Variants in SCN11A observed in about 807,000 individuals in gnomAD.
SCN11A encodes the protein sodium voltage-gated channel alpha subunit 11, also known as sodium channel protein type 11 subunit alpha.
Under a neutral mutation model 162.2 loss-of-function variants are expected in SCN11A, and 122 were observed. The observed-to-expected ratio is 0.75, with a 90% CI of 0.65 to 0.87. The LOEUF (loss-of-function observed/expected upper bound fraction) is 0.87, where lower values mean the gene tolerates loss of function less well. Ranked by LOEUF, SCN11A falls within the 40% of genes least tolerant of loss-of-function variation. The pLI, the probability that SCN11A is intolerant of heterozygous loss-of-function variation, is 0.00. For synonymous variants in SCN11A, 758 were observed against 751.5 expected (o/e 1.01, Z -0.14); for missense variants, 2,015 against 2,181.6 (o/e 0.92, Z 1.52).
chr3:38,931,105 T>G (rs928377654), intron 7 of SCN11A, among the ~76,000 whole-genome samples: 5 of 151,972 alleles, frequency 3.3e-5, no homozygotes, highest in Non-Finnish European at 7.4e-5. Flanking sequence ...AAGCAACGAG[T>G]AGCAACCCCT....
At chr3:39,011,917 C>A (rs927434260) in intron 2 of SCN11A, among the ~76,000 whole-genome samples, 2 of 152,138 alleles carry the variant, frequency 1.3e-5, no homozygotes, top group Non-Finnish European at 2.9e-5. Flanking sequence ...TTACAAAAAA[C>A]AGGTCAGACT....
chr3:38,931,772 T>C (rs73068579), intron 7 of SCN11A, among the ~76,000 whole-genome samples: 15 of 152,108 alleles, frequency 9.9e-5, no homozygotes, highest in Non-Finnish European at 1.9e-4. Flanking sequence ...GCTTTCACCA[T>C]CATACCTCTA....
intron 17 of SCN11A, among the ~76,000 whole-genome samples, chr3:38,899,243 T>G (rs988625198): frequency 1.3e-5 from 2 of 152,200 alleles, no homozygotes; most frequent in Admixed American, 6.5e-5. Flanking sequence ...GTACTGTGCA[T>G]GTAGCCCAGT....
chr3:38,984,656 A>G (rs1026349008), intron 2 of SCN11A, among the ~76,000 whole-genome samples: 2 of 152,018 alleles, frequency 1.3e-5, no homozygotes, highest in Non-Finnish European at 2.9e-5. Flanking sequence ...GATTACAGGT[A>G]CCTGCCACCA....
Position 38,974,062 on chromosome 3 carries a change from G to C in SCN11A, c.-279-13639C>G, listed in dbSNP as rs537794908. 4.7e-4 allele frequency among the ~76,000 whole-genome samples: 72 copies of C among 152,286 alleles called. 1 individual carries two copies. The highest frequency in any genetic ancestry group is 6.8e-3 in the Middle Eastern group (2 of 294). ...CAAGGAAATAAGTCATCATGAGTGA[G>C]AGCCAAAGTAATAGACAACACAAAG... is the stretch of plus-strand genomic sequence containing the variant. On this transcript the variant is annotated intron_variant, in intron 2 of 29. Coordinates refer to ENST00000302328, the MANE Select transcript of SCN11A (RefSeq NM_001349253.2).
At chr3:38,974,156 C>T (rs1054903593) in intron 2 of SCN11A, among the ~76,000 whole-genome samples, 3 of 151,648 alleles carry the variant, frequency 2.0e-5, no homozygotes, top group Admixed American at 6.6e-5. Flanking sequence ...CATGAGGGTA[C>T]AAGAGATCAT....
chr3:38,985,366 G>A (rs905596022), intron 2 of SCN11A, among the ~76,000 whole-genome samples: 1 of 150,396 alleles, frequency 6.6e-6, no homozygotes, highest in Non-Finnish European at 1.5e-5. Flanking sequence ...TCCTGACCTC[G>A]TGATCCACCC....
At chr3:38,963,709 T>C (rs1218128761) in intron 2 of SCN11A, among the ~76,000 whole-genome samples, 2 of 151,518 alleles carry the variant, frequency 1.3e-5, no homozygotes, top group African/African-American at 4.8e-5. Flanking sequence ...TACAATGACT[T>C]CGGGGAGTCG....
chr3:38,938,525 TA>T (rs2066378196), intron 7 of SCN11A, among the ~76,000 whole-genome samples: 1 of 16,148 alleles, frequency 6.2e-5, no homozygotes, highest in Non-Finnish European at 1.3e-4. Flanking sequence ...TATATATATA[TA>T]TATATATATA....
chr3:38,862,908 G>A (rs754215823), intron 28 of SCN11A, among the ~76,000 whole-genome samples: 27 of 151,892 alleles, frequency 1.8e-4, no homozygotes, highest in Non-Finnish European at 2.8e-4. Flanking sequence ...AAAATAAACT[G>A]GTCAAAATTA....
intron 18 of SCN11A, among the ~76,000 whole-genome samples, chr3:38,896,207 A>G (rs1234956156): frequency 6.6e-6 from 1 of 152,196 alleles, no homozygotes; most frequent in Non-Finnish European, 1.5e-5. Context: ...TCATGGTTGC[A>G]TAATGTTTGC....
Position 38,850,744 on chromosome 3 carries a change from C to G in SCN11A, c.4064G>C (p.Cys1355Ser), listed in dbSNP as rs555362768. 5 of 1,581,138 alleles carry G rather than the reference C, an allele frequency of 3.2e-6. No individual in the cohort carries two copies. The Admixed American group carries it at 9.4e-5, about 30-fold the overall frequency. ...QKPIPRPLNKCQGLVFDIVTS... is the reference protein window; with the variant it reads ...QKPIPRPLNKSQGLVFDIVTS... ...GACTATGTCGAACACGAGACCTTGACATTTGTTCTGAGAAAAAAAAGAAAT... is the reference window on the plus strand; with the variant it reads ...GACTATGTCGAACACGAGACCTTGAGATTTGTTCTGAGAAAAAAAAGAAAT... The change falls in exon 29 of 30, where the codon TGT becomes TCT. Residue 1355 changes from cysteine (C) to serine (S), a missense_variant. Physicochemically the swap from Cys to Ser is moderately radical, Grantham distance 112. Coordinates refer to ENST00000302328, the MANE Select transcript of SCN11A (RefSeq NM_001349253.2).
intron 2 of SCN11A, among the ~76,000 whole-genome samples, chr3:38,966,058 C>T (rs560683584): frequency 6.6e-6 from 1 of 152,288 alleles, no homozygotes; most frequent in South Asian, 2.1e-4. Flanking sequence ...CTGGTAGAGG[C>T]AGCTGGCTTA....
In SCN11A at chr3:38,904,086, C is replaced by G; in HGVS notation, c.1621G>C (p.Glu541Gln). 1 of 1,571,390 alleles carries G rather than the reference C, an allele frequency of 6.4e-7. No homozygotes were observed. Among genetic ancestry groups the G allele is most frequent in the Non-Finnish European group, 8.6e-7 (1 of 1,161,582 alleles). ...ITMKEQEKSQ[E>Q]PCLPCGENLA... ...TTTTCTCCACAAGGGAGACAAGGCT[C>G]TTGTGATTTTTCTTGTTCTGGAGGA... The change falls in exon 16 of 30, where the codon GAG (glutamate) becomes CAG (glutamine). Residue 541 changes from glutamate (E) to glutamine (Q), a missense_variant. Glu to Gln is a conservative substitution (Grantham distance 29). Coordinates refer to ENST00000302328, the MANE Select transcript of SCN11A (RefSeq NM_001349253.2).
intron 7 of SCN11A, among the ~76,000 whole-genome samples, chr3:38,944,276 T>G (rs556251435): frequency 9.8e-5 from 15 of 152,294 alleles, no homozygotes; most frequent in African/African-American, 3.4e-4. Context: ...TTGGAAAACA[T>G]TTTGTCTATA....
At chr3:38,964,173 G>A (rs139757255) in intron 2 of SCN11A, among the ~76,000 whole-genome samples, 15 of 152,300 alleles carry the variant, frequency 9.8e-5, no homozygotes, top group South Asian at 4.1e-4. Context: ...GTTCAGAGGC[G>A]CCCCACATTT....
chr3:38,948,605 G>C (rs922965693), intron 5 of SCN11A, among the ~76,000 whole-genome samples: 1 of 152,226 alleles, frequency 6.6e-6, no homozygotes, highest in Non-Finnish European at 1.5e-5. Flanking sequence ...CTGTAAGGTA[G>C]AGTGCTAATC....
chr3:38,932,578 C>A (rs145204262), intron 7 of SCN11A, among the ~76,000 whole-genome samples: 9,036 of 152,316 alleles, frequency 0.059, 855 homozygotes, highest in African/African-American at 0.2. Context: ...TATCCCGCAC[C>A]TGGCTCGGAG....
At chr3:38,964,706 A>G (rs1380470664) in intron 2 of SCN11A, among the ~76,000 whole-genome samples, 1 of 152,170 alleles carries the variant, frequency 6.6e-6, no homozygotes, top group East Asian at 1.9e-4. Context: ...TGTGTAGACA[A>G]CCTCTAGTGG....
Sources: gnomAD v4.1 joint callset for allele counts (sites outside exome capture counted in the v4.1 genomes callset) on GRCh38, gnomAD v4.1.1 for gene constraint, MANE v1.5 for transcripts, NCBI Gene and HGNC (gene_info 2026-07-23, HGNC 2026-07-21) for gene names.